Variants in ARHGEF26 observed in about 807,000 individuals in gnomAD.
ARHGEF26 encodes Rho guanine nucleotide exchange factor (GEF) 26.
A neutral mutation model predicts 89.4 loss-of-function variants in ARHGEF26; 59 were observed. The observed-to-expected ratio is 0.66, with a 90% CI of 0.54 to 0.82. The LOEUF is 0.82. ARHGEF26 is among the 40% of genes least tolerant of loss of function. The pLI is 0.00. For missense variants in ARHGEF26, 1,234 were observed against 1,085.6 expected (o/e 1.14, Z -1.92); for synonymous variants, 500 against 428.4 (o/e 1.17, Z -2.06).
intron 6 of ARHGEF26, among the ~76,000 whole-genome samples, chr3:154,185,696 T>A (rs1713482763): frequency 6.6e-6 from 1 of 152,164 alleles, no homozygotes; most frequent in South Asian, 2.1e-4. Flanking sequence ...TCATTGTTCC[T>A]TGGCAATTGA....
intron 12 of ARHGEF26, among the ~76,000 whole-genome samples, chr3:154,242,692 A>G (rs918711042): frequency 3.3e-5 from 5 of 152,194 alleles, no homozygotes; most frequent in African/African-American, 9.7e-5. Flanking sequence ...ATCAAACAGC[A>G]TTGCATGCTA....
At chr3:154,233,302 A>G (rs1470581335) in intron 11 of ARHGEF26, among the ~76,000 whole-genome samples, 1 of 152,228 alleles carries the variant, frequency 6.6e-6, no homozygotes, top group East Asian at 1.9e-4. Flanking sequence ...AAAAATTTTT[A>G]ACTCCTTGAC....
chr3:154,139,784 CTGT>C (rs1425183801), intron 4 of ARHGEF26, among the ~76,000 whole-genome samples: 2 of 152,102 alleles, frequency 1.3e-5, no homozygotes, highest in Non-Finnish European at 2.9e-5. Context: ...CACATATAGC[CTGT>C]TAATTCTCTA....
In ARHGEF26 at chr3:154,225,948, A is replaced by G. The variant is rs1333188153; in HGVS notation, c.2028A>G (p.Thr676=). Residue 676 remains threonine, a synonymous_variant, in exon 11 of 15, where the codon ACA becomes ACG. Coordinates refer to ENST00000465093, the MANE Select transcript of ARHGEF26 (RefSeq NM_015595.4). The stretch of plus-strand genomic sequence containing the variant: ...ACACTGTGCTTTTCTCAAGAAGGAC[A>G]TCCAAACAGCAAGTCTACTTCTTTC... ...VEDTVLFSRR[T]SKQQVYFFLF... The G allele has an allele frequency of 6.2e-7, 1 of 1,613,374 alleles. No homozygotes were observed. Among genetic ancestry groups the G allele is most frequent in the Non-Finnish European group, 8.5e-7 (1 of 1,179,656 alleles).
chr3:154,183,943 G>A (rs1193014932), intron 6 of ARHGEF26, among the ~76,000 whole-genome samples: 2 of 151,504 alleles, frequency 1.3e-5, no homozygotes, highest in Admixed American at 6.6e-5. Flanking sequence ...GAATTATAAC[G>A]GCCTTATGGT....
At chr3:154,249,582 G>GT (rs1466123813) in intron 12 of ARHGEF26, among the ~76,000 whole-genome samples, 2 of 152,164 alleles carry the variant, frequency 1.3e-5, no homozygotes, top group African/African-American at 4.8e-5. Flanking sequence ...ATTGGATTTT[G>GT]TGAGTGTTTT....
chr3:154,246,169 C>CT (rs1717791994), intron 12 of ARHGEF26, among the ~76,000 whole-genome samples: 1 of 152,114 alleles, frequency 6.6e-6, no homozygotes, highest in Admixed American at 6.5e-5. Flanking sequence ...AAAGACCTCT[C>CT]TTAAGAGGTG....
chr3:154,173,119 C>T (rs1712555428), intron 6 of ARHGEF26, among the ~76,000 whole-genome samples: 2 of 152,126 alleles, frequency 1.3e-5, no homozygotes, highest in Admixed American at 6.5e-5. Flanking sequence ...AATACCATTT[C>T]ATATCGTAAT....
chr3:154,189,426 A>C (rs1713809817), intron 7 of ARHGEF26, among the ~76,000 whole-genome samples: 1 of 145,102 alleles, frequency 6.9e-6, no homozygotes, highest in Non-Finnish European at 1.5e-5. Flanking sequence ...CAACTTCTGC[A>C]TCCCAGGTTC....
intron 9 of ARHGEF26, among the ~76,000 whole-genome samples, chr3:154,210,512 A>C (rs1715295208): frequency 1.3e-5 from 2 of 151,618 alleles, no homozygotes; most frequent in Non-Finnish European, 2.9e-5. Flanking sequence ...ACGGGGTTTC[A>C]CCATGCTGGC....
In ARHGEF26 at chr3:154,122,359, G is replaced by C. The variant is rs987027867; in HGVS notation, c.367G>C (p.Gly123Arg). 1.9e-6 allele frequency: 3 copies of C among 1,612,502 alleles called. No homozygotes were observed. The highest frequency in any genetic ancestry group is 1.3e-5 in the African/African-American group (1 of 75,040). The change falls in exon 2 of 15, where the codon GGC (glycine) becomes CGC (arginine). Residue 123 changes from glycine (G) to arginine (R), a missense_variant. Gly to Arg is a moderately radical substitution (Grantham distance 125). Coordinates refer to ENST00000465093, the MANE Select transcript of ARHGEF26 (RefSeq NM_015595.4). The stretch of plus-strand genomic sequence containing the variant: ...CAAGCTCCCCAAAGCGGTGCCTGGC[G>C]GCTCCCCGAAATCCCCAGCAAATGG... ...SPKLPKAVPG[G>R]SPKSPANGAV...
Position 154,225,852 on chromosome 3 carries a change from G to A in ARHGEF26, c.1936-4G>A, listed in dbSNP as rs374543867. 6.3e-6 allele frequency: 10 copies of A among 1,589,578 alleles called. No individual in the cohort carries two copies. The highest frequency in any genetic ancestry group is 1.4e-5 in the African/African-American group (1 of 72,920). On this transcript the variant is annotated splice_polypyrimidine_tract_variant and splice_region_variant and intron_variant, in intron 10 of 14. Coordinates refer to ENST00000465093, the MANE Select transcript of ARHGEF26 (RefSeq NM_015595.4). Reference sequence around the variant, plus strand: ...TTGGTCACTGGGTTTTTCTCCTTTTGTAGCCTTTTCCTTTAGTCTCCTCTT... The same window carrying A: ...TTGGTCACTGGGTTTTTCTCCTTTTATAGCCTTTTCCTTTAGTCTCCTCTT...
chr3:154,126,739 A>G (rs1167566950), intron 3 of ARHGEF26, among the ~76,000 whole-genome samples: 1 of 152,200 alleles, frequency 6.6e-6, no homozygotes, highest in African/African-American at 2.4e-5. Context: ...GCCACTAGAC[A>G]TACCCAAGCT....
At chr3:154,195,608 G>A (rs984088068) in intron 9 of ARHGEF26, among the ~76,000 whole-genome samples, 1 of 152,128 alleles carries the variant, frequency 6.6e-6, no homozygotes, top group Non-Finnish European at 1.5e-5. Flanking sequence ...CTGTGGCTTG[G>A]GCAGCGAGGT....
chr3:154,209,369 C>T (rs1715227740), intron 9 of ARHGEF26, among the ~76,000 whole-genome samples: 1 of 152,080 alleles, frequency 6.6e-6, no homozygotes, highest in Admixed American at 6.5e-5. Flanking sequence ...TTATTGTAGT[C>T]TTCACTGTTT....
At chr3:154,252,790 A>G (rs895254347) in intron 12 of ARHGEF26, among the ~76,000 whole-genome samples, 2 of 152,196 alleles carry the variant, frequency 1.3e-5, no homozygotes, top group African/African-American at 4.8e-5. Flanking sequence ...TTAAACATCA[A>G]ATTATGGGTA....
chr3:154,160,796 C>A (rs1187465737), intron 6 of ARHGEF26, among the ~76,000 whole-genome samples: 2 of 152,036 alleles, frequency 1.3e-5, no homozygotes, highest in African/African-American at 4.8e-5. Context: ...TGGTCTAGGA[C>A]TAGGTTAAAG....
chr3:154,225,857 C>T lies in ARHGEF26; in HGVS notation c.1937C>T (p.Pro646Leu). The change falls in exon 11 of 15, where the codon CCT (proline) becomes CTT (leucine). Residue 646 changes from proline to leucine, a missense_variant and splice_region_variant. Transcript: ENST00000465093. ...CACTGGGTTTTTCTCCTTTTGTAGC[C>T]TTTTCCTTTAGTCTCCTCTTCCCGG... ...INSQLEFKIKPFPLVSSSRWL... is the reference protein window; with the variant it reads ...INSQLEFKIKLFPLVSSSRWL... 2.5e-6 allele frequency: 4 copies of T among 1,590,410 alleles called. No individual in the cohort carries two copies. The highest frequency in any genetic ancestry group is 1.8e-5 in the Admixed American group (1 of 54,464).
At chr3:154,214,631 C>T (rs753330621) in intron 9 of ARHGEF26, among the ~76,000 whole-genome samples, 14 of 152,146 alleles carry the variant, frequency 9.2e-5, no homozygotes, top group Middle Eastern at 6.8e-3. Context: ...GAAGAGGTGC[C>T]GTGTAGATAG....
Sources: gnomAD v4.1 joint callset for allele counts (sites outside exome capture counted in the v4.1 genomes callset) on GRCh38, gnomAD v4.1.1 for gene constraint, MANE v1.5 for transcripts, NCBI Gene and HGNC (gene_info 2026-07-23, HGNC 2026-07-21) for gene names.